Variants in ZNF846 observed in about 807,000 individuals in gnomAD.
The protein encoded by ZNF846 is zinc finger protein 420 pseudogene.
In ZNF846, 15 loss-of-function variants were observed where a neutral mutation model predicts 16.0. The observed-to-expected ratio is 0.94, with a 90% CI of 0.63 to 1.45. The LOEUF is 1.45. Among genes scored for constraint, ZNF846 ranks in the 40% most tolerant of loss-of-function variants. The pLI is 0.00. For missense variants in ZNF846, 714 were observed against 622.3 expected, an observed-to-expected ratio of 1.15 and a Z score of -1.57; for synonymous variants, 229 against 212.0, an observed-to-expected ratio of 1.08 and a Z score of -0.70.
At chr19:9,754,232 T>C (rs1021100416), downstream of ZNF846, among the ~76,000 whole-genome samples, 1 of 151,566 alleles carries the variant, frequency 6.6e-6, no homozygotes, top group Admixed American at 6.6e-5. Context: ...ATGATCTTTT[T>C]CCATTATTTA....
exon 6 of ZNF846, chr19:9,757,594 C>A (rs374881598): frequency 6.2e-7 from 1 of 1,613,462 alleles, no homozygotes; most frequent in Non-Finnish European, 8.5e-7. Context: ...CGTGTGTGAA[C>A]GTTAAGGTAT....
intron 1 of ZNF846, among the ~76,000 whole-genome samples, chr19:9,783,216 T>C (rs886854757): frequency 1.5e-5 from 2 of 136,586 alleles, no homozygotes; most frequent in African/African-American, 5.6e-5. Flanking sequence ...CTCCCTATAA[T>C]TCTTTTTTTT....
At chr19:9,771,327 G>A (rs571796776), upstream of ZNF846, among the ~76,000 whole-genome samples, 2 of 151,952 alleles carry the variant, frequency 1.3e-5, no homozygotes, top group East Asian at 1.9e-4. Flanking sequence ...ACAGACATGC[G>A]CCACCATGCT....
Position 9,780,048 on chromosome 19 carries a change from G to GTTTTTTT in ZNF846, c.-86+5883_-86+5889dup, listed in dbSNP as rs558280116. On this transcript the variant is annotated intron_variant, in intron 1 of 4. Coordinates refer to the ZNF846 transcript ENST00000586814. ...CATGCCACCATGCCCAGCTAATTTT[G>GTTTTTTT]TTTTTTTTTTTGTTTTTTTTTTTGT... Among the ~76,000 whole-genome samples, 19 of 124,308 alleles carry GTTTTTTT rather than the reference G, an allele frequency of 1.5e-4. 1 individual carries two copies. Among genetic ancestry groups the GTTTTTTT allele is most frequent in the African/African-American group, 4.4e-4 (13 of 29,476 alleles). 81.6% of individuals were successfully genotyped at this position (124,308 alleles called of 152,430 possible).
downstream of ZNF846, among the ~76,000 whole-genome samples, chr19:9,751,576 CTTCTGAATG>C (rs1289022113): frequency 1.3e-5 from 2 of 152,110 alleles, no homozygotes; most frequent in Non-Finnish European, 2.9e-5. Flanking sequence ...CCTCCCTGCT[CTTCTGAATG>C]TACTTTGTAA....
upstream of ZNF846, among the ~76,000 whole-genome samples, chr19:9,773,168 A>C (rs896898732): frequency 3.9e-5 from 6 of 152,182 alleles, no homozygotes; most frequent in Non-Finnish European, 5.9e-5. Context: ...CTTTGGAAAA[A>C]ATTCAACACT....
In ZNF846 at chr19:9,763,252, G is replaced by C. The variant is rs145496731; in HGVS notation, c.142+30C>G. On this transcript the variant is annotated intron_variant, in intron 3 of 5. Transcript: ENST00000397902. The stretch of plus-strand genomic sequence containing the variant: ...TTTAAGAAACATTGATTTCCTAAAG[G>C]GGTCAGTGAAGAAATGATGCCAGTT... 2.4e-4 allele frequency: 368 copies of C among 1,521,966 alleles called. No individual in the cohort carries two copies. The African/African-American group carries it at 4.9e-3, about 20-fold the overall frequency. 94.3% of individuals were successfully genotyped at this position (1,521,966 alleles called of 1,614,324 possible).
chr19:9,767,488 T>C (rs527304396), intron 1 of ZNF846, among the ~76,000 whole-genome samples: 1 of 152,060 alleles, frequency 6.6e-6, no homozygotes, highest in African/African-American at 2.4e-5. Context: ...ACATGCAAAA[T>C]ATTAACAAAT....
rs535926085 is a variant in ZNF846, at chr19:9,774,780, G to A, written c.-85-9745C>T. ...CTGTCAGTAATTAGTGCTGAAAACT[G>A]GAAGCCAGCAACCAAAACCGACCAA... On this transcript the variant is annotated intron_variant, in intron 1 of 4. Transcript: ENST00000586814. 75 of 1,584,506 alleles carry A rather than the reference G, an allele frequency of 4.7e-5. No individual in the cohort carries two copies. The East Asian group carries it at 1.7e-3, about 35-fold the overall frequency.
chr19:9,749,242 G>A (rs937323207), downstream of ZNF846, among the ~76,000 whole-genome samples: 2 of 151,952 alleles, frequency 1.3e-5, no homozygotes, highest in African/African-American at 2.4e-5. Flanking sequence ...AGGTCTATTC[G>A]TCCTTACCCT....
rs796564200 is a variant in ZNF846, at chr19:9,780,456, A to AT, written c.-86+5481dup. On this transcript the variant is annotated intron_variant, in intron 1 of 4. Coordinates refer to the ZNF846 transcript ENST00000586814. ...ATTTTCATCATGATATTACCTAGTG[A>AT]TTTTTTTTTTTAAGATGGAGCCTTG... 3.5e-3 allele frequency among the ~76,000 whole-genome samples: 522 copies of AT among 148,122 alleles called. 4 individuals are homozygous for AT. Among genetic ancestry groups the AT allele is most frequent in the African/African-American group, 0.012 (483 of 40,500 alleles).
downstream of ZNF846, among the ~76,000 whole-genome samples, chr19:9,749,439 G>A (rs1205269142): frequency 6.6e-6 from 1 of 151,460 alleles, no homozygotes; most frequent in African/African-American, 2.4e-5. Context: ...CACCATAACT[G>A]ATATCTCCTG....
At chr19:9,755,186 C>T (rs559547733), downstream of ZNF846, among the ~76,000 whole-genome samples, 2 of 151,582 alleles carry the variant, frequency 1.3e-5, no homozygotes, top group Admixed American at 6.5e-5. Flanking sequence ...ATCCTAACAT[C>T]CACTGTACAG....
At position 9,782,561 on chromosome 19, in the gene ZNF846, C is replaced by A. The variant is rs746391445; in HGVS notation, c.-86+3377G>T. 3.5e-4 allele frequency among the ~76,000 whole-genome samples: 53 copies of A among 152,188 alleles called. 2 individuals are homozygous for A. The highest frequency in any genetic ancestry group is 2.9e-4 in the Non-Finnish European group (20 of 68,038). ...TGCAGGCATGAGTCACCATGCCCAG[C>A]CAGCTTTCTCTATTTTTACTTTCCC... On this transcript the variant is annotated intron_variant, in intron 1 of 4. Coordinates refer to the ZNF846 transcript ENST00000586814.
chr19:9,763,401 A>G (rs1344520304), exon 3 of ZNF846: 1 of 1,606,058 alleles, frequency 6.2e-7, no homozygotes, highest in African/African-American at 1.3e-5. Flanking sequence ...CTCAAAGGTC[A>G]CTAAGTGCTA....
downstream of ZNF846, chr19:9,756,341 GTGTGTA>G (rs1400936472): frequency 2.5e-3 from 161 of 64,692 alleles, no homozygotes; most frequent in South Asian, 3.7e-3. Context: ...GTGTGTGTGT[GTGTGTA>G]TATATATATA....
chr19:9,767,036 C>T (rs1028931761), intron 1 of ZNF846, among the ~76,000 whole-genome samples: 3 of 151,340 alleles, frequency 2.0e-5, no homozygotes, highest in Admixed American at 6.6e-5. Flanking sequence ...TATGTTGTCC[C>T]AGCTTGTCTC....
chr19:9,759,963 C>A (rs1266674663), intron 4 of ZNF846, 21 bp from the exon 5 acceptor site: 2 of 1,595,600 alleles, frequency 1.3e-6, no homozygotes, highest in Admixed American at 3.4e-5. Context: ...GTGAAAAATG[C>A]AGCTTGGGAG....
chr19:9,758,461 T>C, exon 6 of ZNF846: 1 of 1,613,544 alleles, frequency 6.2e-7, no homozygotes, highest in Non-Finnish European at 8.5e-7. Flanking sequence ...TTAAGAAAAG[T>C]TCTCCAACAG....
Sources: allele counts gnomAD v4.1 joint callset (sites outside exome capture counted in the v4.1 genomes callset), GRCh38; gene constraint gnomAD v4.1.1; transcripts MANE v1.5; gene names NCBI Gene and HGNC (gene_info 2026-07-23, HGNC 2026-07-21).